Variants in NCOR1 observed in about 807,000 individuals in gnomAD.
The protein encoded by NCOR1 is protein phosphatase 1, regulatory subunit 109.
A neutral mutation model predicts 288.1 loss-of-function variants in NCOR1; 63 were observed. The observed-to-expected ratio is 0.22, with a 90% CI of 0.18 to 0.27. NCOR1 has a LOEUF of 0.27. Among genes scored for constraint, NCOR1 ranks in the 10% least tolerant of loss-of-function variants. The probability of loss-of-function intolerance (pLI) is 1.00; values close to 1 mark genes in which losing one functional copy is unlikely to be tolerated. For missense variants in NCOR1, 2,397 were observed against 3,019.2 expected (o/e 0.79, Z 4.83); for synonymous variants, 1,007 against 1,065.9 (o/e 0.94, Z 1.08).
chr17:16,182,459 TA>T (rs753199751), intron 3 of NCOR1, among the ~76,000 whole-genome samples: 72 of 152,308 alleles, frequency 4.7e-4, no homozygotes, highest in African/African-American at 1.7e-3. Context: ...TTTACTTATT[TA>T]TTTTTTTTGT....
intron 12 of NCOR1, among the ~76,000 whole-genome samples, chr17:16,138,572 G>A (rs941044528): frequency 4.6e-5 from 7 of 152,192 alleles, no homozygotes; most frequent in Non-Finnish European, 8.8e-5. Context: ...GCGACAGAGC[G>A]AGACTCCGTC....
intron 10 of NCOR1, among the ~76,000 whole-genome samples, chr17:16,144,792 G>A (rs747912743): frequency 2.8e-5 from 4 of 143,578 alleles, no homozygotes; most frequent in African/African-American, 5.2e-5. Flanking sequence ...CGCTTTCCAC[G>A]GTCTCCCCTC....
intron 3 of NCOR1, among the ~76,000 whole-genome samples, chr17:16,180,640 C>T (rs1421020006): frequency 1.3e-5 from 2 of 151,320 alleles, no homozygotes; most frequent in African/African-American, 2.4e-5. Flanking sequence ...GCCAGCTACC[C>T]GGGAGGCTGC....
rs747721487 is a variant in NCOR1, at chr17:16,139,226, C to T, written c.1174-40G>A. 2.5e-6 allele frequency: 4 copies of T among 1,570,166 alleles called. No individual in the cohort carries two copies. The East Asian group carries it at 6.8e-5, about 27-fold the overall frequency. On this transcript the variant is annotated intron_variant, in intron 11 of 45. Coordinates refer to ENST00000268712, the MANE Select transcript of NCOR1 (RefSeq NM_006311.4). ...CAATTTACTTAGAATAAAACATAAACTAGAAATTTAAGGAGGGCCATGGAC... is the reference window on the plus strand; with the variant it reads ...CAATTTACTTAGAATAAAACATAAATTAGAAATTTAAGGAGGGCCATGGAC...
At chr17:16,120,709 A>C (rs894252349) in intron 16 of NCOR1, among the ~76,000 whole-genome samples, 1 of 152,192 alleles carries the variant, frequency 6.6e-6, no homozygotes, top group Non-Finnish European at 1.5e-5. Flanking sequence ...AGCAGGGAAG[A>C]GGGCAGACAA....
chr17:16,114,162 A>C (rs1484246456), intron 18 of NCOR1, among the ~76,000 whole-genome samples: 2 of 150,646 alleles, frequency 1.3e-5, no homozygotes, highest in Non-Finnish European at 3.0e-5. Flanking sequence ...AAAAAAAAAA[A>C]AAAAAAACTT....
intron 1 of NCOR1, among the ~76,000 whole-genome samples, chr17:16,213,489 CAAAAAAA>C (rs537795184): frequency 6.4e-5 from 5 of 78,132 alleles, no homozygotes; most frequent in Non-Finnish European, 1.3e-4. Context: ...AAGACTGTCT[CAAAAAAA>C]AAAAAAAAAA....
At chr17:16,199,913 A>T (rs1202680763) in intron 1 of NCOR1, among the ~76,000 whole-genome samples, 2 of 152,210 alleles carry the variant, frequency 1.3e-5, no homozygotes, top group Non-Finnish European at 2.9e-5. Flanking sequence ...ATACAGATAA[A>T]CCCAGAACTA....
chr17:16,203,040 T>TACACACACACACACACAC (rs57228948), intron 1 of NCOR1, among the ~76,000 whole-genome samples: 24 of 147,056 alleles, frequency 1.6e-4, no homozygotes, highest in African/African-American at 5.9e-4. Context: ...AGCTGTTCCT[T>TACACACACACACACACAC]ACACACACAC....
At chr17:16,207,351 G>C (rs1196672322) in intron 1 of NCOR1, among the ~76,000 whole-genome samples, 1 of 152,132 alleles carries the variant, frequency 6.6e-6, no homozygotes, top group East Asian at 1.9e-4. Context: ...ATGGCAAGAA[G>C]AATGTCTGTC....
rs187037314 is a variant in NCOR1 at position 16,055,735 on chromosome 17, T to C, written c.6392+1779A>G. 1.1e-4 allele frequency among the ~76,000 whole-genome samples: 16 copies of C among 152,340 alleles called. No homozygotes were observed. In the East Asian group the frequency reaches 3.1e-3, roughly 29 times the overall value. ...TGATGCTGTTTTCTAACACCACAGA[T>C]TGTGCAAACATTTTCATCAGGAATG... is the stretch of plus-strand genomic sequence containing the variant. On this transcript the variant is annotated intron_variant, in intron 40 of 45. Transcript: ENST00000268712.
rs1400903131 is a variant in NCOR1, at chr17:16,029,873, A to AC, written c.*2422_*2423insG. 1 of 152,998 alleles carries AC rather than the reference A, an allele frequency of 6.5e-6. No individual in the cohort carries two copies. Among genetic ancestry groups the AC allele is most frequent in the Non-Finnish European group, 1.5e-5 (1 of 68,498 alleles). 9.5% of individuals were successfully genotyped at this position (152,998 alleles called of 1,614,324 possible). A position where few individuals can be genotyped will look rare whatever the true frequency, so the allele number is the denominator to read the frequency against. On this transcript the variant is annotated 3_prime_UTR_variant, in exon 46 of 46. Coordinates refer to ENST00000268712, the MANE Select transcript of NCOR1 (RefSeq NM_006311.4). Reference sequence around the variant, plus strand: ...GATGAGGATGGAGGGAGTGGTTCACAGCACCTCACCTTCGGGTCCTCAGGT... The same window carrying AC: ...GATGAGGATGGAGGGAGTGGTTCACACGCACCTCACCTTCGGGTCCTCAGGT...
At chr17:16,176,505 G>A (rs549723556) in intron 3 of NCOR1, among the ~76,000 whole-genome samples, 4 of 152,288 alleles carry the variant, frequency 2.6e-5, no homozygotes, top group Middle Eastern at 3.4e-3. Context: ...CTGACCTCAG[G>A]TGATATGCAT....
chr17:16,156,548 GAAAGAAA>G (rs1010689901), intron 6 of NCOR1, among the ~76,000 whole-genome samples: 5 of 151,660 alleles, frequency 3.3e-5, no homozygotes, highest in African/African-American at 9.7e-5. Flanking sequence ...GAAGAAAAAT[GAAAGAAA>G]AAAGAAAAAA....
chr17:16,060,372 C>T (rs2060416924), intron 37 of NCOR1, among the ~76,000 whole-genome samples: 1 of 152,210 alleles, frequency 6.6e-6, no homozygotes, highest in South Asian at 2.1e-4. Context: ...TGTGCTATAC[C>T]ATTCAATAAG....
chr17:16,031,921 C>T lies in NCOR1; in HGVS notation c.*375G>A, dbSNP rs144012237. 9.9e-4 allele frequency: 249 copies of T among 251,802 alleles called. No individual in the cohort carries two copies. In the East Asian group the frequency reaches 0.013, roughly 13 times the overall value. 15.6% of individuals were successfully genotyped at this position (251,802 alleles called of 1,614,324 possible). A position where few individuals can be genotyped will look rare whatever the true frequency, so the allele number is the denominator to read the frequency against. On this transcript the variant is annotated 3_prime_UTR_variant, in exon 46 of 46. Coordinates refer to ENST00000268712, the MANE Select transcript of NCOR1 (RefSeq NM_006311.4). ...ATGCGCTGATTTGAACATAAGTACACCAGATACTACAGCAAGGGGATATAC... is the reference window on the plus strand; with the variant it reads ...ATGCGCTGATTTGAACATAAGTACATCAGATACTACAGCAAGGGGATATAC...
intron 42 of NCOR1, among the ~76,000 whole-genome samples, chr17:16,041,482 A>C (rs1035766196): frequency 3.1e-5 from 4 of 128,624 alleles, no homozygotes; most frequent in African/African-American, 6.1e-5. Flanking sequence ...GGCGTGATCT[A>C]GGCTCACTGC....
intron 33 of NCOR1, 117 bp downstream of exon 33, chr17:16,065,368 T>C: frequency 8.6e-7 from 1 of 1,162,384 alleles, no homozygotes; most frequent in South Asian, 1.5e-5. Flanking sequence ...AGGAAGGATA[T>C]AGTATTCTTT....
intron 1 of NCOR1, among the ~76,000 whole-genome samples, chr17:16,201,355 T>C (rs189059006): frequency 9.2e-5 from 14 of 152,106 alleles, no homozygotes; most frequent in African/African-American, 1.2e-4. Flanking sequence ...TCCCAGCACT[T>C]TGGGAGGCCG....
Sources: gnomAD v4.1 joint callset for allele counts (sites outside exome capture counted in the v4.1 genomes callset) on GRCh38, gnomAD v4.1.1 for gene constraint, MANE v1.5 for transcripts, NCBI Gene and HGNC (gene_info 2026-07-23, HGNC 2026-07-21) for gene names.